Variants in ZFAND4 observed in about 807,000 individuals in gnomAD.
The protein encoded by ZFAND4 is zinc finger AN1-type containing 4.
A neutral mutation model predicts 64.4 loss-of-function variants in ZFAND4; 43 were observed. That is an observed-to-expected ratio of 0.67 (90% CI 0.52 to 0.86). The LOEUF (loss-of-function observed/expected upper bound fraction) is 0.86, where lower values mean the gene tolerates loss of function less well. ZFAND4 is among the 40% of genes least tolerant of loss of function. The probability of loss-of-function intolerance (pLI) is 0.00; values close to 1 mark genes in which losing one functional copy is unlikely to be tolerated. For missense variants in ZFAND4, 929 were observed against 859.8 expected, an observed-to-expected ratio of 1.08 and a Z score of -1.01; for synonymous variants, 296 against 305.7, an observed-to-expected ratio of 0.97 and a Z score of 0.33.
chr10:45,635,528 A>C (rs1026956058), intron 6 of ZFAND4, among the ~76,000 whole-genome samples: 1 of 134,798 alleles, frequency 7.4e-6, no homozygotes, highest in South Asian at 2.2e-4. Flanking sequence ...ATCTAAATGA[A>C]CTAAAGACTT....
intron 2 of ZFAND4, among the ~76,000 whole-genome samples, chr10:45,656,895 T>C (rs2048160237): frequency 6.6e-6 from 1 of 151,958 alleles, no homozygotes; most frequent in Non-Finnish European, 1.5e-5. Flanking sequence ...AAGAGTGCCC[T>C]CACCAGACCC....
At chr10:45,651,916 G>A (rs762609828) in intron 4 of ZFAND4, 50 bp downstream of exon 4, 1 of 1,509,944 alleles carries the variant, frequency 6.6e-7, no homozygotes, top group Non-Finnish European at 9.2e-7. Flanking sequence ...AATACTAACT[G>A]ACATAAAGAA....
In ZFAND4 at chr10:45,617,605, A is replaced by AAAAAAAAAAAAAAG. The variant is rs1554824694; in HGVS notation, c.2048+534_2048+535insCTTTTTTTTTTTTT. Among the ~76,000 whole-genome samples, 2 of 150,202 alleles carry AAAAAAAAAAAAAAG rather than the reference A, an allele frequency of 1.3e-5. 1 individual carries two copies. ...ATTACAGTACTGAAAAAAAAAAAAA[A>AAAAAAAAAAAAAAG]AAAAAAAAGTCCGCAGCAGCAGTTA... On this transcript the variant is annotated intron_variant, in intron 9 of 9. Transcript: ENST00000344646.
In ZFAND4 at chr10:45,638,419, G is replaced by A. The variant is rs11239581; in HGVS notation, c.717+1397C>T. On this transcript the variant is annotated intron_variant, in intron 6 of 9. Transcript: ENST00000344646. ...TGAGGCAGGACAATGGCGTGAACCC[G>A]GGAGGCAGAGCTTGCAGTGAGCCGA... Among the ~76,000 whole-genome samples the A allele has an allele frequency of 8.6e-3, 1,298 of 151,568 alleles. 12 individuals are homozygous for A. The highest frequency in any genetic ancestry group is 0.012 in the Non-Finnish European group (782 of 67,878).
chr10:45,616,893 A>G (rs1204373521), intron 9 of ZFAND4, among the ~76,000 whole-genome samples: 2 of 152,138 alleles, frequency 1.3e-5, no homozygotes, highest in African/African-American at 4.8e-5. Context: ...ATCCAGGCCA[A>G]CATGATGAAA....
chr10:45,665,574 A>G (rs529192780), intron 1 of ZFAND4, among the ~76,000 whole-genome samples: 1 of 152,288 alleles, frequency 6.6e-6, no homozygotes, highest in African/African-American at 2.4e-5. Flanking sequence ...TTGAAATATA[A>G]TTCACATGCC....
intron 2 of ZFAND4, among the ~76,000 whole-genome samples, chr10:45,653,777 A>T (rs1230080794): frequency 6.6e-6 from 1 of 152,228 alleles, no homozygotes; most frequent in African/African-American, 2.4e-5. Context: ...CAAAGAGTTT[A>T]AAACAGAACG....
chr10:45,665,169 T>C (rs1348466142), intron 1 of ZFAND4, among the ~76,000 whole-genome samples: 3 of 152,272 alleles, frequency 2.0e-5, no homozygotes, highest in East Asian at 1.9e-4. Context: ...GAAAACTCTA[T>C]ACAGGGGGGC....
intron 6 of ZFAND4, among the ~76,000 whole-genome samples, chr10:45,635,039 T>C (rs1488358268): frequency 6.6e-6 from 1 of 151,554 alleles, no homozygotes; most frequent in African/African-American, 2.4e-5. Flanking sequence ...GTTGGAAGAA[T>C]TAATATTGTT....
intron 6 of ZFAND4, among the ~76,000 whole-genome samples, chr10:45,635,195 C>CAAA (rs1173808756): frequency 1.7e-3 from 47 of 27,622 alleles, no homozygotes; most frequent in African/African-American, 3.6e-3. Context: ...GCCATCTAAG[C>CAAA]AAAAAAAAAA....
chr10:45,667,849 T>C (rs1241312875), intron 1 of ZFAND4, among the ~76,000 whole-genome samples: 7 of 152,184 alleles, frequency 4.6e-5, no homozygotes, highest in African/African-American at 1.4e-4. Flanking sequence ...TGGACATCCT[T>C]GTCTAATTCT....
intron 8 of ZFAND4, among the ~76,000 whole-genome samples, chr10:45,620,080 T>C (rs2045302175): frequency 6.6e-6 from 1 of 152,240 alleles, no homozygotes; most frequent in Non-Finnish European, 1.5e-5. Flanking sequence ...CCTTAAACAA[T>C]GGTGGAAGAA....
Position 45,640,538 on chromosome 10 carries a change from T to C in ZFAND4, c.570-575A>G, listed in dbSNP as rs140054297. Reference sequence around the variant, plus strand: ...GACAGTCTCACTCTTGTCGCCAGGCTGGAGTGCAATGGCACAATCTCGGCT... The same window carrying C: ...GACAGTCTCACTCTTGTCGCCAGGCCGGAGTGCAATGGCACAATCTCGGCT... On this transcript the variant is annotated intron_variant, in intron 5 of 9. Transcript: ENST00000344646. 1,607 of 658,920 alleles carry C rather than the reference T, an allele frequency of 2.4e-3. 33 individuals are homozygous for C. In the East Asian group the frequency reaches 0.048, roughly 20 times the overall value. The allele number at this position is 658,920 out of a possible 1,614,324, so 40.8% of individuals were successfully genotyped here. A position where few individuals can be genotyped will look rare whatever the true frequency, so the allele number is the denominator to read the frequency against.
At chr10:45,616,834 C>CCTGT (rs1274290776) in intron 9 of ZFAND4, among the ~76,000 whole-genome samples, 1 of 152,152 alleles carries the variant, frequency 6.6e-6, no homozygotes, top group Non-Finnish European at 1.5e-5. Flanking sequence ...GTGGCTCAAG[C>CCTGT]CTGTAATCCC....
At chr10:45,638,582 C>T (rs2046783898) in intron 6 of ZFAND4, among the ~76,000 whole-genome samples, 1 of 152,194 alleles carries the variant, frequency 6.6e-6, no homozygotes, top group Non-Finnish European at 1.5e-5. Context: ...TTCCCTCTGA[C>T]TCCGAAAGTC....
rs185818170 is a variant in ZFAND4, at chr10:45,651,966, C to T, written c.328G>A (p.Val110Ile). ...MRGGPINTRR[V>I]PTDDPLRKMA... ...TGCTTTAATATATATATATGCCTAC[C>T]TCTTCTAGTATTTATAGGTCCGCCA... is the stretch of plus-strand genomic sequence containing the variant. Residue 110 changes from valine to isoleucine, a missense_variant and splice_region_variant, in exon 4 of 10, where the codon GTT becomes ATT. Physicochemically the swap from Val to Ile is conservative, Grantham distance 29. Transcript: ENST00000344646. 22 of 1,613,000 alleles carry T rather than the reference C, an allele frequency of 1.4e-5. No homozygotes were observed. The Admixed American group carries it at 2.8e-4, about 21-fold the overall frequency.
intron 6 of ZFAND4, among the ~76,000 whole-genome samples, chr10:45,638,288 CT>C (rs1440301829): frequency 1.3e-5 from 2 of 149,506 alleles, no homozygotes; most frequent in East Asian, 3.9e-4. Context: ...TCGAGACCAA[CT>C]TGGCTAATAC....
At chr10:45,667,571 C>T (rs566095743) in intron 1 of ZFAND4, among the ~76,000 whole-genome samples, 16 of 149,766 alleles carry the variant, frequency 1.1e-4, no homozygotes, top group Non-Finnish European at 2.2e-4. Flanking sequence ...CGAGTTCAAG[C>T]GATTCGCCTG....
At chr10:45,617,084 A>C (rs1490132408) in intron 9 of ZFAND4, among the ~76,000 whole-genome samples, 1 of 149,976 alleles carries the variant, frequency 6.7e-6, no homozygotes, top group Non-Finnish European at 1.5e-5. Flanking sequence ...CTCAAAAAGA[A>C]AAAAGAAAAA....
Sources: allele counts gnomAD v4.1 joint callset (sites outside exome capture counted in the v4.1 genomes callset), GRCh38; gene constraint gnomAD v4.1.1; transcripts MANE v1.5; gene names NCBI Gene and HGNC (gene_info 2026-07-23, HGNC 2026-07-21).